Variants in PRUNE2 observed in about 807,000 individuals in gnomAD.
The protein encoded by PRUNE2 is prune homolog 2 with BCH domain.
A neutral mutation model predicts 252.0 loss-of-function variants in PRUNE2; 164 were observed. The observed-to-expected ratio is 0.65, with a 90% CI of 0.57 to 0.74. The LOEUF (loss-of-function observed/expected upper bound fraction) is 0.74, where lower values mean the gene tolerates loss of function less well. Among genes scored for constraint, PRUNE2 ranks in the 30% least tolerant of loss-of-function variants. The pLI, the probability that PRUNE2 is intolerant of heterozygous loss-of-function variation, is 0.00. For synonymous variants in PRUNE2, 1,292 were observed against 1,350.2 expected (o/e 0.96, Z 0.94); for missense variants, 3,495 against 3,711.0 (o/e 0.94, Z 1.51).
intron 9 of PRUNE2, among the ~76,000 whole-genome samples, chr9:76,668,837 C>T (rs1190027116): frequency 1.3e-5 from 2 of 150,788 alleles, no homozygotes; most frequent in South Asian, 2.2e-4. Context: ...AGCAAAGTAT[C>T]GCACACAGTA....
intron 1 of PRUNE2, among the ~76,000 whole-genome samples, chr9:76,871,392 T>G (rs2133077907): frequency 6.6e-6 from 1 of 152,344 alleles, no homozygotes; most frequent in Middle Eastern, 3.4e-3. Flanking sequence ...TATTTCATTT[T>G]ATATCAAGGA....
At chr9:76,625,108 G>T (rs1834113040) in intron 16 of PRUNE2, 2 of 1,203,626 alleles carry the variant, frequency 1.7e-6, no homozygotes, top group African/African-American at 1.6e-5. Context: ...AAACAGATGG[G>T]AAAAATGACA....
chr9:76,748,745 T>A (rs1443510765), intron 6 of PRUNE2: 1 of 152,224 alleles, frequency 6.6e-6, no homozygotes, highest in Non-Finnish European at 1.5e-5. Flanking sequence ...TGGGTCCAGC[T>A]TGGTGAAGAA....
chr9:76,689,974 GAA>G (rs1448892017), intron 9 of PRUNE2, among the ~76,000 whole-genome samples: 1 of 152,172 alleles, frequency 6.6e-6, no homozygotes, highest in African/African-American at 2.4e-5. Flanking sequence ...GCCCTCTAAG[GAA>G]AAGAGTGCTC....
At chr9:76,857,141 C>G (rs2060299472) in intron 1 of PRUNE2, 1 of 455,922 alleles carries the variant, frequency 2.2e-6, no homozygotes, top group Non-Finnish European at 4.4e-6. Flanking sequence ...ATGGCCTCTT[C>G]CAATGCCATT....
chr9:76,635,156 G>C (rs1277841603), intron 15 of PRUNE2, among the ~76,000 whole-genome samples: 2 of 152,104 alleles, frequency 1.3e-5, no homozygotes, highest in African/African-American at 4.8e-5. Flanking sequence ...GTTTTTAGTA[G>C]AGATGGGGTT....
At chr9:76,694,092 A>C (rs1179006318) in intron 9 of PRUNE2, among the ~76,000 whole-genome samples, 1 of 152,234 alleles carries the variant, frequency 6.6e-6, no homozygotes, top group East Asian at 1.9e-4. Context: ...GCTCATTAGA[A>C]GGGGCTTCCT....
At chr9:76,836,439 A>G in intron 4 of PRUNE2, among the ~76,000 whole-genome samples, 1 of 151,466 alleles carries the variant, frequency 6.6e-6, no homozygotes, top group Non-Finnish European at 1.5e-5. Context: ...AAGAAAGCAA[A>G]GAAACAAAGA....
chr9:76,623,216 T>G (rs146818162), intron 17 of PRUNE2, among the ~76,000 whole-genome samples: 6 of 152,280 alleles, frequency 3.9e-5, no homozygotes, highest in Non-Finnish European at 8.8e-5. Context: ...CAGCAAACTT[T>G]TCAAATAGTA....
chr9:76,779,678 T>C (rs2054163224), intron 6 of PRUNE2: 1 of 152,238 alleles, frequency 6.6e-6, no homozygotes, highest in Non-Finnish European at 1.5e-5. Context: ...CACTGTATTG[T>C]CTGAAATGAC....
At chr9:76,742,701 T>G (rs1384872941) in intron 6 of PRUNE2, among the ~76,000 whole-genome samples, 1 of 151,296 alleles carries the variant, frequency 6.6e-6, no homozygotes, top group Non-Finnish European at 1.5e-5. Context: ...AACATGCAAC[T>G]GAGAGAAGTA....
intron 6 of PRUNE2, among the ~76,000 whole-genome samples, chr9:76,775,075 A>C (rs904975640): frequency 6.6e-6 from 1 of 152,078 alleles, no homozygotes; most frequent in Non-Finnish European, 1.5e-5. Context: ...GAAGAAAAAA[A>C]ATTTGCCCTG....
chr9:76,750,177 CA>C (rs2050493450), intron 6 of PRUNE2, among the ~76,000 whole-genome samples: 1 of 151,982 alleles, frequency 6.6e-6, no homozygotes, highest in African/African-American at 2.4e-5. Flanking sequence ...AGTAATAAAC[CA>C]ATAAGTGTAA....
intron 6 of PRUNE2, among the ~76,000 whole-genome samples, chr9:76,803,512 A>G (rs1218018592): frequency 1.3e-5 from 2 of 152,164 alleles, no homozygotes; most frequent in East Asian, 1.9e-4. Context: ...CTTAGTTAAC[A>G]TAACTCCCCA....
At position 76,655,512 on chromosome 9, in the gene PRUNE2, A is replaced by AG. The variant is rs766051514; in HGVS notation, c.8277-11_8277-10insC. On this transcript the variant is annotated splice_polypyrimidine_tract_variant and intron_variant, in intron 9 of 18. Coordinates refer to ENST00000376718, the MANE Select transcript of PRUNE2 (RefSeq NM_015225.3). ...ATCCTCTGACAGTAGTCTGCAAAAA[A>AG]AGCAAAGCAAAGCGCGTCAACAACA... The AG allele has an allele frequency of 5.6e-6, 9 of 1,601,908 alleles. No individual in the cohort carries two copies. In the South Asian group the frequency reaches 1.0e-4, roughly 18 times the overall value.
At chr9:76,846,747 A>C in intron 3 of PRUNE2, 69 bp from the exon 4 acceptor site, 2 of 1,382,776 alleles carry the variant, frequency 1.4e-6, no homozygotes, top group Non-Finnish European at 1.0e-6. Flanking sequence ...GGAATGTTTA[A>C]ATCTCTGCTC....
rs1430142197 is a variant in PRUNE2 at position 76,799,312 on chromosome 9, G to A, written c.756+24320C>T. Among the ~76,000 whole-genome samples the A allele has an allele frequency of 2.0e-5, 3 of 146,524 alleles. No homozygotes were observed. In the East Asian group the frequency reaches 6.0e-4, roughly 29 times the overall value. ...GCCAAAATGGCACCACTGTACTCCAGCCTGGAAAACAAGAGTGAAACTCTG... is the reference window on the plus strand; with the variant it reads ...GCCAAAATGGCACCACTGTACTCCAACCTGGAAAACAAGAGTGAAACTCTG... On this transcript the variant is annotated intron_variant, in intron 6 of 18. Transcript: ENST00000376718.
At chr9:76,865,520 C>A (rs893037062) in intron 1 of PRUNE2, among the ~76,000 whole-genome samples, 1 of 152,136 alleles carries the variant, frequency 6.6e-6, no homozygotes, top group Non-Finnish European at 1.5e-5. Context: ...GATCCTCAGG[C>A]CTTTGTGTCC....
At chr9:76,858,724 T>G (rs1323722092) in intron 1 of PRUNE2, among the ~76,000 whole-genome samples, 1 of 150,782 alleles carries the variant, frequency 6.6e-6, no homozygotes, top group Non-Finnish European at 1.5e-5. Flanking sequence ...AACCTGCATG[T>G]TCTGCACATG....
Sources: gnomAD v4.1 joint callset for allele counts (sites outside exome capture counted in the v4.1 genomes callset) on GRCh38, gnomAD v4.1.1 for gene constraint, MANE v1.5 for transcripts, NCBI Gene and HGNC (gene_info 2026-07-23, HGNC 2026-07-21) for gene names.